The following PRPS2 variants were observed in gnomAD, a reference collection of about 807,000 sequenced individuals.
PRPS2 encodes the protein ribose-phosphate pyrophosphokinase 2.
For missense variants in PRPS2, 104 were observed against 271.5 expected (o/e 0.38, Z 4.34); for synonymous variants, 111 against 115.3 (o/e 0.96, Z 0.24).
At chrX:12,808,344 T>A (rs1325119083) in intron 2 of PRPS2, among the ~76,000 whole-genome samples, 1 of 109,570 alleles carries the variant, frequency 9.1e-6, no homozygotes, top group Non-Finnish European at 1.9e-5. Flanking sequence ...CTATTTTGAA[T>A]GAAATCTTTT....
intron 1 of PRPS2, among the ~76,000 whole-genome samples, chrX:12,797,091 C>T (rs2042548393): frequency 9.1e-6 from 1 of 110,463 alleles, no homozygotes; most frequent in Admixed American, 9.7e-5. Flanking sequence ...GGTGCAATGG[C>T]TCACGTCTGT....
rs773078303 is a variant in PRPS2 at position 12,819,687 on chromosome X, A to G, written c.704+7A>G. On this transcript the variant is annotated splice_region_variant and intron_variant, in intron 5 of 6. Coordinates refer to ENST00000380668, the MANE Select transcript of PRPS2 (RefSeq NM_002765.5). ...TCTGCCATGCTGCGGACAAGTACGC[A>G]GGGCGGTGGGGAAAGCGTTAGGACT... 1 of 1,205,982 alleles carries G rather than the reference A, an allele frequency of 8.3e-7. No individual in the cohort carries two copies. The highest frequency in any genetic ancestry group is 2.2e-5 in the Admixed American group (1 of 45,526).
intron 3 of PRPS2, 120 bp downstream of exon 3, chrX:12,809,452 AAACTT>A: frequency 5.7e-6 from 4 of 705,351 alleles, no homozygotes; most frequent in Non-Finnish European, 8.4e-6. Context: ...TGTCTTTACT[AAACTT>A]GAAAATATAA....
chrX:12,808,288 C>CTGTGTGTGTGTGTGTGTG lies in PRPS2; in HGVS notation c.307-936_307-919dup, dbSNP rs60881280. ...CTGCATGTGTTTTTACATGAATATACTGTGTGTGTGTGTGTGTGTGTGTGT... is the reference window on the plus strand; with the variant it reads ...CTGCATGTGTTTTTACATGAATATACTGTGTGTGTGTGTGTGTGTGTGTGTGTGTGTGTGTGTGTGTGT... On this transcript the variant is annotated intron_variant, in intron 2 of 6. Transcript: ENST00000380668. Among the ~76,000 whole-genome samples the CTGTGTGTGTGTGTGTGTG allele has an allele frequency of 2.2e-3, 225 of 102,413 alleles. 1 individual carries two copies. The highest frequency in any genetic ancestry group is 0.019 in the South Asian group (38 of 2,052). The allele number at this position is 102,413 out of a possible 115,157, so 88.9% of individuals were successfully genotyped here. A position where few individuals can be genotyped will look rare whatever the true frequency, so the allele number is the denominator to read the frequency against.
chrX:12,801,221 C>CGTGTGTGTGTGTGTGTGT (rs72506508), intron 2 of PRPS2, among the ~76,000 whole-genome samples: 2,624 of 93,329 alleles, frequency 0.028, 85 homozygotes, highest in East Asian at 0.12. Context: ...TGCGTGCGCA[C>CGTGTGTGTGTGTGTGTGT]GTGTGTGTGT....
chrX:12,821,051 G>C (rs1447031036), intron 6 of PRPS2, among the ~76,000 whole-genome samples: 1 of 112,084 alleles, frequency 8.9e-6, no homozygotes, highest in Non-Finnish European at 1.9e-5. Flanking sequence ...AGTCAGAAAC[G>C]GGTTGTGCTA....
intron 2 of PRPS2, among the ~76,000 whole-genome samples, chrX:12,800,902 A>G (rs1012022965): frequency 2.7e-5 from 3 of 111,527 alleles, no homozygotes; most frequent in African/African-American, 9.8e-5. Flanking sequence ...TTATCTGTAA[A>G]TGGCTATATG....
At chrX:12,810,278 G>A (rs191553953) in intron 4 of PRPS2, 132 bp downstream of exon 4, 129 of 841,802 alleles carry the variant, frequency 1.5e-4, no homozygotes, top group South Asian at 2.2e-4. Context: ...TAAGTAGACC[G>A]CAGGCTTCAC....
intron 4 of PRPS2, among the ~76,000 whole-genome samples, chrX:12,815,580 C>T (rs1158179559): frequency 2.7e-5 from 3 of 111,654 alleles, no homozygotes; most frequent in African/African-American, 9.8e-5. Flanking sequence ...AGTAGCTTTC[C>T]TTACCTGGAG....
intron 4 of PRPS2, among the ~76,000 whole-genome samples, chrX:12,818,384 A>AT (rs137903045): frequency 6.7e-5 from 7 of 103,730 alleles, no homozygotes; most frequent in Non-Finnish European, 1.4e-4. Context: ...AAAAAAAAAA[A>AT]GAAAAGAAAA....
chrX:12,821,996 CAG>C (rs150915048), intron 6 of PRPS2, among the ~76,000 whole-genome samples: 33,862 of 111,322 alleles, frequency 0.3, 4,094 homozygotes, highest in East Asian at 0.46. Context: ...TCTGATTCCT[CAG>C]AGAGAAAAGC....
At chrX:12,796,417 C>T (rs888799245) in intron 1 of PRPS2, among the ~76,000 whole-genome samples, 10 of 109,788 alleles carry the variant, frequency 9.1e-5, no homozygotes, top group Non-Finnish European at 1.9e-4. Flanking sequence ...GATGGGGTTT[C>T]TCCATGTTAG....
rs756490746 is a variant in PRPS2, at chrX:12,819,588, G to C, written c.612G>C (p.Arg204=). ...GGAAGAAGGCGAATGAAGTGGACCGGATGGTCCTGGTGGGCGACGTGAAGG... is the reference window on the plus strand; with the variant it reads ...GGAAGAAGGCGAATGAAGTGGACCGCATGGTCCTGGTGGGCGACGTGAAGG... ...KERKKANEVD[R]MVLVGDVKDR... Residue 204 remains arginine (R), a synonymous_variant, in exon 5 of 7, where the codon CGG becomes CGC. Coordinates refer to ENST00000380668, the MANE Select transcript of PRPS2 (RefSeq NM_002765.5). The C allele has an allele frequency of 8.3e-7, 1 of 1,210,558 alleles. No individual in the cohort carries two copies. Among genetic ancestry groups the C allele is most frequent in the Non-Finnish European group, 1.1e-6 (1 of 895,181 alleles).
At chrX:12,808,095 C>G (rs1035997317) in intron 2 of PRPS2, among the ~76,000 whole-genome samples, 1 of 111,082 alleles carries the variant, frequency 9.0e-6, no homozygotes, top group African/African-American at 3.3e-5. Context: ...TCTGGATCTT[C>G]TGATCTCGTG....
At chrX:12,821,376 T>A (rs1248421472) in intron 6 of PRPS2, among the ~76,000 whole-genome samples, 2 of 106,968 alleles carry the variant, frequency 1.9e-5, no homozygotes, top group African/African-American at 6.9e-5. Context: ...ATATTGTGTT[T>A]CCGCTTCTAG....
rs764688265 is a variant in PRPS2, at chrX:12,822,989, G to A, written c.*193G>A. 2.1e-4 allele frequency: 89 copies of A among 420,183 alleles called. No homozygotes were observed. Among genetic ancestry groups the A allele is most frequent in the Non-Finnish European group, 3.2e-4 (79 of 244,791 alleles). The allele number at this position is 420,183 out of a possible 1,213,427, so 34.6% of individuals were successfully genotyped here. On this transcript the variant is annotated 3_prime_UTR_variant, in exon 7 of 7. Transcript: ENST00000380668. ...TTTCTTTCCAGTTTTTGGGGAAATG[G>A]TGGTGGTTATTTGGTCTTTAAGTGA...
chrX:12,791,419 C>T lies in PRPS2; in HGVS notation c.-79C>T. 1 of 1,119,473 alleles carries T rather than the reference C, an allele frequency of 8.9e-7. No homozygotes were observed. Among genetic ancestry groups the T allele is most frequent in the Admixed American group, 2.5e-5 (1 of 39,919 alleles). 92.3% of individuals were successfully genotyped at this position (1,119,473 alleles called of 1,213,427 possible). A position where few individuals can be genotyped will look rare whatever the true frequency, so the allele number is the denominator to read the frequency against. On this transcript the variant is annotated 5_prime_UTR_variant, in exon 1 of 7. Transcript: ENST00000380668. ...CCGCGCTTTCCCGCTCCCGCAGCAG[C>T]AGCCTCCCGCGTCGCTGTCGCTGTT...
At chrX:12,805,853 A>C (rs2042591137) in intron 2 of PRPS2, among the ~76,000 whole-genome samples, 1 of 111,947 alleles carries the variant, frequency 8.9e-6, no homozygotes, top group South Asian at 3.7e-4. Context: ...CGGGCGGATC[A>C]CCTGAGGTCA....
chrX:12,793,004 G>A (rs1427292418), intron 1 of PRPS2, among the ~76,000 whole-genome samples: 2 of 112,205 alleles, frequency 1.8e-5, no homozygotes, highest in Admixed American at 1.9e-4. Context: ...TGAGTGGCAG[G>A]TGGACTTTGG....
Sources: gnomAD v4.1 joint callset for allele counts (sites outside exome capture counted in the v4.1 genomes callset) on GRCh38, gnomAD v4.1.1 for gene constraint, MANE v1.5 for transcripts, NCBI Gene and HGNC (gene_info 2026-07-23, HGNC 2026-07-21) for gene names.